Variants in B3GALT1 observed in about 807,000 individuals in gnomAD.
B3GALT1 encodes beta-1,3-galactosyltransferase 1, also known as UDP-Gal:betaGlcNAc beta 1,3-galactosyltransferase, polypeptide 1.
A neutral mutation model predicts 23.2 loss-of-function variants in B3GALT1; 10 were observed. The ratio of observed to expected loss-of-function variants is 0.43; its 90% CI spans 0.27 to 0.73. The LOEUF is 0.73. B3GALT1 is among the 30% of genes least tolerant of loss of function. The pLI is 0.21. For missense variants in B3GALT1, 299 were observed against 405.4 expected, an observed-to-expected ratio of 0.74 and a Z score of 2.25; for synonymous variants, 156 against 141.5, an observed-to-expected ratio of 1.10 and a Z score of -0.73.
At chr2:167,299,221 A>C (rs7578183) in intron 1 of B3GALT1, among the ~76,000 whole-genome samples, 1 of 152,150 alleles carries the variant, frequency 6.6e-6, no homozygotes, top group South Asian at 2.1e-4. Context: ...TCATGTGGGT[A>C]ACTTTTCTAG....
intron 1 of B3GALT1, among the ~76,000 whole-genome samples, chr2:167,479,775 TAAAG>T (rs1208725545): frequency 2.6e-5 from 4 of 152,086 alleles, no homozygotes; most frequent in East Asian, 3.9e-4. Flanking sequence ...GGTATTGTAA[TAAAG>T]AAAGAGTTTA....
rs193103572 is a variant in B3GALT1, at chr2:167,302,073, G to A, written c.-511+8739G>A. Among the ~76,000 whole-genome samples, 240 of 152,198 alleles carry A rather than the reference G, an allele frequency of 1.6e-3. 3 individuals are homozygous for A. The East Asian group carries it at 0.02, about 13-fold the overall frequency. Reference sequence around the variant, plus strand: ...GAAATAAACTATTTGGCCAACAAAAGGGGAATAATTAAATTGTGGCATACA... The same window carrying A: ...GAAATAAACTATTTGGCCAACAAAAAGGGAATAATTAAATTGTGGCATACA... On this transcript the variant is annotated intron_variant, in intron 1 of 4. Transcript: ENST00000392690.
At chr2:167,314,960 A>G (rs1696689948) in intron 1 of B3GALT1, among the ~76,000 whole-genome samples, 1 of 152,164 alleles carries the variant, frequency 6.6e-6, no homozygotes, top group African/African-American at 2.4e-5. Context: ...GCTCAGCTCA[A>G]TGTGTCCATT....
At chr2:167,866,922 A>C (rs922176239) in intron 4 of B3GALT1, among the ~76,000 whole-genome samples, 3 of 152,136 alleles carry the variant, frequency 2.0e-5, no homozygotes, top group African/African-American at 7.2e-5. Flanking sequence ...TGTATATCCC[A>C]AGTTGAGAAG....
At chr2:167,499,302 G>T (rs915498909) in intron 2 of B3GALT1, among the ~76,000 whole-genome samples, 72 of 151,998 alleles carry the variant, frequency 4.7e-4, no homozygotes, top group African/African-American at 1.7e-3. Context: ...TTTATATTCT[G>T]TGATAAAAAT....
At chr2:167,344,536 G>A (rs1014008464) in intron 1 of B3GALT1, among the ~76,000 whole-genome samples, 1 of 151,998 alleles carries the variant, frequency 6.6e-6, no homozygotes, top group Non-Finnish European at 1.5e-5. Context: ...ATCTATATAG[G>A]TGCAGGGCAA....
At chr2:167,597,105 T>G (rs540940174) in intron 2 of B3GALT1, among the ~76,000 whole-genome samples, 232 of 147,394 alleles carry the variant, frequency 1.6e-3, no homozygotes, top group African/African-American at 5.8e-3. Flanking sequence ...TTGGTTTTTG[T>G]TTTTTGTTTT....
At chr2:167,322,587 G>T (rs62194877) in intron 1 of B3GALT1, among the ~76,000 whole-genome samples, 3 of 151,902 alleles carry the variant, frequency 2.0e-5, no homozygotes, top group African/African-American at 7.2e-5. Context: ...CGAGTGATTT[G>T]GATATTGAAA....
intron 3 of B3GALT1, among the ~76,000 whole-genome samples, chr2:167,791,455 T>G (rs1036862202): frequency 2.0e-5 from 3 of 152,212 alleles, no homozygotes; most frequent in Non-Finnish European, 2.9e-5. Context: ...GAAAAGTGCT[T>G]GTATAAATCC....
chr2:167,606,921 G>A (rs537105455), intron 2 of B3GALT1, among the ~76,000 whole-genome samples: 1 of 152,138 alleles, frequency 6.6e-6, no homozygotes, highest in Non-Finnish European at 1.5e-5. Context: ...TCCTTTAAAA[G>A]CAATGAAGAG....
At chr2:167,335,008 T>C (rs1559068543) in intron 1 of B3GALT1, among the ~76,000 whole-genome samples, 3 of 152,216 alleles carry the variant, frequency 2.0e-5, no homozygotes, top group East Asian at 1.9e-4. Context: ...TATTACTTAC[T>C]CTCTTGCTAA....
intron 1 of B3GALT1, among the ~76,000 whole-genome samples, chr2:167,366,227 A>G (rs182909300): frequency 8.7e-4 from 133 of 152,320 alleles, no homozygotes; most frequent in African/African-American, 3.1e-3. Context: ...TTAAAATTAT[A>G]TAGAAAATCA....
At chr2:167,524,126 C>T (rs1415366029) in intron 2 of B3GALT1, among the ~76,000 whole-genome samples, 4 of 152,072 alleles carry the variant, frequency 2.6e-5, no homozygotes, top group Non-Finnish European at 1.5e-5. Flanking sequence ...ACCAGCATAC[C>T]ACATCGAACA....
chr2:167,838,227 T>G (rs1689535376), intron 4 of B3GALT1, among the ~76,000 whole-genome samples: 1 of 152,134 alleles, frequency 6.6e-6, no homozygotes, highest in Admixed American at 6.5e-5. Context: ...AAAAAATTAA[T>G]GAATCCAGGA....
intron 4 of B3GALT1, among the ~76,000 whole-genome samples, chr2:167,824,615 C>G (rs992023109): frequency 6.6e-6 from 1 of 152,302 alleles, no homozygotes; most frequent in South Asian, 2.1e-4. Context: ...CCTCTCCAGC[C>G]TCAACCTGGC....
At position 167,690,933 on chromosome 2, in the gene B3GALT1, C is replaced by G. The variant is rs374767034; in HGVS notation, c.-352+43967C>G. The stretch of plus-strand genomic sequence containing the variant: ...ATATAAAATTTTCATCAGTTTTTAA[C>G]TCTCTGGCTGAATTGCAACATGGAA... On this transcript the variant is annotated intron_variant, in intron 3 of 4. Coordinates refer to ENST00000392690, the MANE Select transcript of B3GALT1 (RefSeq NM_020981.4). Among the ~76,000 whole-genome samples, 41 of 152,152 alleles carry G rather than the reference C, an allele frequency of 2.7e-4. No individual in the cohort carries two copies. The South Asian group carries it at 8.5e-3, about 32-fold the overall frequency.
At chr2:167,632,911 AG>A (rs1266912882) in intron 2 of B3GALT1, among the ~76,000 whole-genome samples, 1 of 151,982 alleles carries the variant, frequency 6.6e-6, no homozygotes, top group Admixed American at 6.6e-5. Flanking sequence ...GTTTTCTTCT[AG>A]GGGTTTTATG....
chr2:167,424,179 A>G (rs540002725), intron 1 of B3GALT1, among the ~76,000 whole-genome samples: 7 of 152,224 alleles, frequency 4.6e-5, no homozygotes, highest in Non-Finnish European at 8.8e-5. Context: ...TACACATGCC[A>G]TAAGTGAAAG....
intron 3 of B3GALT1, among the ~76,000 whole-genome samples, chr2:167,683,855 GTTATT>G (rs1324979744): frequency 6.6e-6 from 1 of 152,134 alleles, no homozygotes; most frequent in Non-Finnish European, 1.5e-5. Context: ...AAGCATAACT[GTTATT>G]TTATTTTTTG....
Sources: gnomAD v4.1 joint callset for allele counts (sites outside exome capture counted in the v4.1 genomes callset) on GRCh38, gnomAD v4.1.1 for gene constraint, MANE v1.5 for transcripts, NCBI Gene and HGNC (gene_info 2026-07-23, HGNC 2026-07-21) for gene names.